NAV2: variants seen among roughly 807,000 people sequenced by gnomAD.
NAV2 encodes the protein neuron navigator 2.
A neutral mutation model predicts 223.2 loss-of-function variants in NAV2; 54 were observed. The observed-to-expected ratio is 0.24, with a 90% CI of 0.19 to 0.30. The LOEUF is 0.30. Among genes scored for constraint, NAV2 ranks in the 10% least tolerant of loss-of-function variants. The pLI, the probability that NAV2 is intolerant of heterozygous loss-of-function variation, is 1.00. For missense variants in NAV2, 2,806 were observed against 3,147.5 expected (o/e 0.89, Z 2.60); for synonymous variants, 1,279 against 1,239.3 (o/e 1.03, Z -0.67).
intron 1 of NAV2, among the ~76,000 whole-genome samples, chr11:19,459,156 A>T (rs1353512719): frequency 6.6e-6 from 1 of 152,256 alleles, no homozygotes; most frequent in African/African-American, 2.4e-5. Context: ...AGCCCAATCT[A>T]TACAGGCTTA....
At chr11:19,451,007 T>C (rs901269524) in intron 1 of NAV2, among the ~76,000 whole-genome samples, 1 of 152,172 alleles carries the variant, frequency 6.6e-6, no homozygotes, top group Non-Finnish European at 1.5e-5. Context: ...TGGAAGCTTC[T>C]GATCAGAGTG....
At chr11:19,439,166 C>T (rs1851313149) in intron 1 of NAV2, among the ~76,000 whole-genome samples, 2 of 152,156 alleles carry the variant, frequency 1.3e-5, no homozygotes, top group South Asian at 4.1e-4. Context: ...GCTCCTTTCA[C>T]TCCTATGGCT....
At chr11:19,427,145 G>T (rs948127002) in intron 1 of NAV2, among the ~76,000 whole-genome samples, 3 of 152,180 alleles carry the variant, frequency 2.0e-5, no homozygotes, top group African/African-American at 7.2e-5. Flanking sequence ...AACCCAAGCT[G>T]TGGCTCCTTT....
chr11:19,971,593 T>C (rs970173345), intron 10 of NAV2, among the ~76,000 whole-genome samples: 6 of 152,214 alleles, frequency 3.9e-5, no homozygotes, highest in Non-Finnish European at 7.3e-5. Flanking sequence ...CAACACACTT[T>C]TGGATAGTTC....
chr11:19,818,343 A>T (rs2059212443), intron 1 of NAV2, among the ~76,000 whole-genome samples: 1 of 145,538 alleles, frequency 6.9e-6, no homozygotes. Flanking sequence ...AGTACTTGCC[A>T]ATTACCATGG....
intron 12 of NAV2, among the ~76,000 whole-genome samples, chr11:20,043,216 TGCGGTGCAGTGATG>T (rs2057107099): frequency 6.6e-6 from 1 of 152,082 alleles, no homozygotes; most frequent in Admixed American, 6.5e-5. Context: ...AAGATCTCTC[TGCGGTGCAGTGATG>T]GGAAGAAGGC....
intron 17 of NAV2, among the ~76,000 whole-genome samples, chr11:20,052,460 C>T (rs1247173837): frequency 6.6e-6 from 1 of 152,258 alleles, no homozygotes; most frequent in African/African-American, 2.4e-5. Flanking sequence ...CTATGAGCTG[C>T]TTGTCAGCAA....
chr11:19,649,585 T>C (rs572678736), intron 1 of NAV2, among the ~76,000 whole-genome samples: 2 of 152,316 alleles, frequency 1.3e-5, no homozygotes, highest in South Asian at 4.2e-4. Flanking sequence ...CTCTGGGGCC[T>C]CTTTTATAAG....
chr11:19,821,085 AC>A (rs1268701864), intron 1 of NAV2, among the ~76,000 whole-genome samples: 1 of 152,002 alleles, frequency 6.6e-6, no homozygotes. Flanking sequence ...ACACGGTGAA[AC>A]CCCGTCTCTA....
intron 19 of NAV2, among the ~76,000 whole-genome samples, chr11:20,057,136 C>T (rs889005431): frequency 9.2e-5 from 14 of 152,008 alleles, no homozygotes; most frequent in Non-Finnish European, 1.8e-4. Context: ...AGGTGCTTCC[C>T]GGTCCCCATA....
chr11:19,714,401 C>T (rs1590143596), intron 1 of NAV2: 7 of 462,274 alleles, frequency 1.5e-5, no homozygotes, highest in Non-Finnish European at 2.6e-5. Flanking sequence ...TTGGGTTCGA[C>T]GCCCCCTAGC....
Position 19,744,568 on chromosome 11 carries a change from T to TTC in NAV2, c.267+30607_267+30608insCT, listed in dbSNP as rs1251944944. 7.9e-5 allele frequency among the ~76,000 whole-genome samples: 12 copies of TTC among 151,006 alleles called. 1 individual carries two copies. ...AATTTAAAAGGTAATATCTGTGGAT[T>TTC]TTTTTTTTAAAGATTTGTGACATGG... On this transcript the variant is annotated intron_variant, in intron 1 of 37. Transcript: ENST00000349880.
intron 3 of NAV2, among the ~76,000 whole-genome samples, chr11:19,848,617 ATTTGC>A (rs1565422533): frequency 3.3e-5 from 5 of 152,180 alleles, no homozygotes; most frequent in African/African-American, 1.2e-4. Flanking sequence ...TAGTAACAGT[ATTTGC>A]CTCATGGGGT....
At chr11:19,354,160 G>T (rs1853482102) in intron 1 of NAV2, among the ~76,000 whole-genome samples, 1 of 152,170 alleles carries the variant, frequency 6.6e-6, no homozygotes, top group Non-Finnish European at 1.5e-5. Flanking sequence ...TTTATGAAGT[G>T]CCTCCTTGTG....
intron 1 of NAV2, among the ~76,000 whole-genome samples, chr11:19,684,063 C>T (rs777602643): frequency 3.9e-4 from 59 of 152,178 alleles, no homozygotes; most frequent in Non-Finnish European, 5.6e-4. Context: ...AACTTGATTG[C>T]GAAATCCAAA....
intron 10 of NAV2, among the ~76,000 whole-genome samples, chr11:19,977,252 C>G (rs1039018480): frequency 2.6e-5 from 4 of 152,210 alleles, no homozygotes; most frequent in Admixed American, 2.6e-4. Context: ...CACCTCACAT[C>G]CTCTTGTTTC....
At chr11:19,803,567 T>C (rs2152780546) in intron 1 of NAV2, among the ~76,000 whole-genome samples, 1 of 152,362 alleles carries the variant, frequency 6.6e-6, no homozygotes, top group African/African-American at 2.4e-5. Flanking sequence ...TAGTCATCCC[T>C]GCCTCAAAGG....
chr11:19,697,099 T>TA (rs1212775134), intron 1 of NAV2, among the ~76,000 whole-genome samples: 2 of 152,258 alleles, frequency 1.3e-5, no homozygotes, highest in Middle Eastern at 3.4e-3. Flanking sequence ...TATGCAGCCA[T>TA]AAAAAAGAAC....
intron 1 of NAV2, among the ~76,000 whole-genome samples, chr11:19,514,437 A>G (rs991209876): frequency 1.3e-5 from 2 of 152,234 alleles, no homozygotes; most frequent in Non-Finnish European, 2.9e-5. Context: ...GAAAATATTT[A>G]TCAACTCCTC....
Sources: allele counts gnomAD v4.1 joint callset (sites outside exome capture counted in the v4.1 genomes callset), GRCh38; gene constraint gnomAD v4.1.1; transcripts MANE v1.5; gene names NCBI Gene and HGNC (gene_info 2026-07-23, HGNC 2026-07-21).